FDPS: variants seen among roughly 807,000 people sequenced by gnomAD.
The protein encoded by FDPS is farnesyl pyrophosphate synthase.
A neutral mutation model predicts 49.5 loss-of-function variants in FDPS; 29 were observed. The ratio of observed to expected loss-of-function variants is 0.59; its 90% CI spans 0.44 to 0.80. FDPS has a LOEUF of 0.80. Ranked by LOEUF, FDPS falls within the 30% of genes least tolerant of loss-of-function variation. The pLI, the probability that FDPS is intolerant of heterozygous loss-of-function variation, is 0.00. For missense variants in FDPS, 414 were observed against 525.6 expected, an observed-to-expected ratio of 0.79 and a Z score of 2.08; for synonymous variants, 172 against 206.4, an observed-to-expected ratio of 0.83 and a Z score of 1.43.
chr1:155,313,131 A>T (rs985969880), intron 4 of FDPS, among the ~76,000 whole-genome samples: 2 of 152,214 alleles, frequency 1.3e-5, no homozygotes, highest in Non-Finnish European at 2.9e-5. Context: ...TAAAACCTAG[A>T]TTTCTAGCAT....
chr1:155,319,047 G>A (rs1260261649), intron 8 of FDPS, 119 bp downstream of exon 8: 2 of 753,110 alleles, frequency 2.7e-6, no homozygotes, highest in East Asian at 2.5e-5. Context: ...CCTTGAGCAA[G>A]TCGGTCTCGC....
At position 155,309,884 on chromosome 1, in the gene FDPS, G is replaced by C. The variant is rs376090181; in HGVS notation, c.95G>C (p.Arg32Pro). 1 of 1,591,370 alleles carries C rather than the reference G, an allele frequency of 6.3e-7. No homozygotes were observed. The highest frequency in any genetic ancestry group is 1.8e-5 in the Admixed American group (1 of 56,680). The change falls in exon 2 of 11, where the codon CGG (arginine) becomes CCG (proline). Residue 32 changes from arginine to proline, a missense_variant. By Grantham distance (103) the Arg-to-Pro change is moderately radical. Coordinates refer to ENST00000368356, the MANE Select transcript of FDPS (RefSeq NM_002004.4). ...PRERWLGSLR[R>P]PSLVHGYPVL... ...GAGAGGTGGCTGGGTTCCCTACGGC[G>C]GCCCTCCCTGGTGCACGGGTACCCA...
In FDPS at chr1:155,318,161, C is replaced by T; in HGVS notation, c.562-8C>T. On this transcript the variant is annotated splice_region_variant and splice_polypyrimidine_tract_variant and intron_variant, in intron 5 of 10. Coordinates refer to ENST00000368356, the MANE Select transcript of FDPS (RefSeq NM_002004.4). The surrounding 1 kb of genome is among the most constrained non-coding windows in gnomAD (Gnocchi z 4.2). ...ATTGATTGCTTGTTTTTCTGTCTGTCATGACAGCCGGGCGTGGGTTTGGAT... is the reference window on the plus strand; with the variant it reads ...ATTGATTGCTTGTTTTTCTGTCTGTTATGACAGCCGGGCGTGGGTTTGGAT... 1 of 1,614,062 alleles carries T rather than the reference C, an allele frequency of 6.2e-7. No homozygotes were observed. Among genetic ancestry groups the T allele is most frequent in the East Asian group, 2.2e-5 (1 of 44,878 alleles).
intron 4 of FDPS, among the ~76,000 whole-genome samples, chr1:155,314,795 T>A (rs11264360): frequency 0.26 from 39,447 of 150,652 alleles, 5,707 homozygotes; most frequent in East Asian, 0.71. Context: ...TTTTTTTTTT[T>A]AATTTCCCTA....
Position 155,319,595 on chromosome 1 carries a change from C to T in FDPS, c.847-16C>T, listed in dbSNP as rs1650013821. The stretch of plus-strand genomic sequence containing the variant: ...CACCCCTGGGGTTTGGCTTATTAAC[C>T]CCCCTTTCCCTGCAGGCAGGAATTG... On this transcript the variant is annotated splice_polypyrimidine_tract_variant and intron_variant, in intron 8 of 10. Transcript: ENST00000368356. 1 of 1,613,522 alleles carries T rather than the reference C, an allele frequency of 6.2e-7. No homozygotes were observed. The highest frequency in any genetic ancestry group is 8.5e-7 in the Non-Finnish European group (1 of 1,179,900).
Position 155,318,383 on chromosome 1 carries a change from G to C in FDPS, c.684+92G>C. On this transcript the variant is annotated intron_variant, in intron 6 of 10. Coordinates refer to ENST00000368356, the MANE Select transcript of FDPS (RefSeq NM_002004.4). The surrounding 1 kb of genome is among the most constrained non-coding windows in gnomAD (Gnocchi z 4.2). ...CTCATCTAGCTGGTTTCAGGGTACA[G>C]GATTGCAGCGTGCCTGGAAGGGAAA... 1 of 1,514,832 alleles carries C rather than the reference G, an allele frequency of 6.6e-7. No homozygotes were observed. The highest frequency in any genetic ancestry group is 9.0e-7 in the Non-Finnish European group (1 of 1,109,502). The allele number at this position is 1,514,832 out of a possible 1,614,324, so 93.8% of individuals were successfully genotyped here. A position where few individuals can be genotyped will look rare whatever the true frequency, so the allele number is the denominator to read the frequency against.
chr1:155,314,186 T>A (rs2148237576), intron 4 of FDPS, among the ~76,000 whole-genome samples: 1 of 140,728 alleles, frequency 7.1e-6, no homozygotes, highest in Non-Finnish European at 1.5e-5. Flanking sequence ...TAAAAATTTT[T>A]AATTTTTTTT....
At position 155,318,166 on chromosome 1, in the gene FDPS, C is replaced by T. The variant is rs1446445185; in HGVS notation, c.562-3C>T. ...TTGCTTGTTTTTCTGTCTGTCATGA[C>T]AGCCGGGCGTGGGTTTGGATGCCAT... On this transcript the variant is annotated splice_region_variant and splice_polypyrimidine_tract_variant and intron_variant, in intron 5 of 10. Coordinates refer to ENST00000368356, the MANE Select transcript of FDPS (RefSeq NM_002004.4). The surrounding 1 kb of genome is among the most constrained non-coding windows in gnomAD (Gnocchi z 4.2). The T allele has an allele frequency of 1.9e-6, 3 of 1,614,112 alleles. No homozygotes were observed. The highest frequency in any genetic ancestry group is 2.5e-6 in the Non-Finnish European group (3 of 1,180,022).
chr1:155,309,596 A>G, intron 1 of FDPS, 193 bp from the exon 2 acceptor site: 3 of 514,404 alleles, frequency 5.8e-6, no homozygotes, highest in South Asian at 3.6e-5. Context: ...GTTGGGTCTC[A>G]GTCACCCAGC....
Position 155,320,546 on chromosome 1 carries a change from A to C in FDPS, c.1197A>C (p.Ala399=), listed in dbSNP as rs919118652. The change falls in exon 11 of 11, where the codon GCA becomes GCC. Residue 399 remains alanine, a synonymous_variant. Transcript: ENST00000368356. ...SHIMALIEQY[A]APLPPAVFLG... ...TTATGGCTCTCATTGAACAGTACGC[A>C]GCACCCCTGCCCCCAGCCGTCTTTC... 1.2e-6 allele frequency: 2 copies of C among 1,614,088 alleles called. No individual in the cohort carries two copies. Among genetic ancestry groups the C allele is most frequent in the Non-Finnish European group, 1.7e-6 (2 of 1,180,046 alleles).
chr1:155,313,019 A>G (rs1355091990), intron 4 of FDPS: 1 of 152,172 alleles, frequency 6.6e-6, no homozygotes, highest in Admixed American at 6.5e-5. Flanking sequence ...AGGTCTTCCA[A>G]AGGCTATTCA....
rs1648617699 is a variant in FDPS at position 155,309,968 on chromosome 1, G to C, written c.176+3G>C. Reference sequence around the variant, plus strand: ...CAAGCGTGGACAGAGGAACCTCGGTGAGTGTGGTTGGGGTGAGGGGCCTTG... The same window carrying C: ...CAAGCGTGGACAGAGGAACCTCGGTCAGTGTGGTTGGGGTGAGGGGCCTTG... On this transcript the variant is annotated splice_donor_region_variant and intron_variant, in intron 2 of 10. Transcript: ENST00000368356. 1 of 1,608,174 alleles carries C rather than the reference G, an allele frequency of 6.2e-7. No individual in the cohort carries two copies. The highest frequency in any genetic ancestry group is 1.1e-5 in the South Asian group (1 of 90,902).
At chr1:155,320,279 G>A in intron 10 of FDPS, 130 bp from the exon 11 acceptor site, 1 of 794,502 alleles carries the variant, frequency 1.3e-6, no homozygotes, top group Non-Finnish European at 2.1e-6. Context: ...AGAGACACTT[G>A]AAAATTGGAG....
intron 4 of FDPS, chr1:155,312,722 T>G (rs1365565462): frequency 4.5e-6 from 1 of 222,350 alleles, no homozygotes; most frequent in East Asian, 9.8e-5. Context: ...GGCTGACACC[T>G]GCAATCCCAG....
At chr1:155,310,954 CTATT>C (rs1216300176) in intron 3 of FDPS, among the ~76,000 whole-genome samples, 1 of 152,110 alleles carries the variant, frequency 6.6e-6, no homozygotes, top group East Asian at 1.9e-4. Flanking sequence ...TCTGGAGTAT[CTATT>C]AAAATTCTTT....
intron 3 of FDPS, among the ~76,000 whole-genome samples, chr1:155,311,191 T>C (rs1648764763): frequency 6.6e-6 from 1 of 151,982 alleles, no homozygotes; most frequent in Admixed American, 6.6e-5. Flanking sequence ...ATACAAAAAT[T>C]AGCTGGGCGT....
chr1:155,312,503 T>G, intron 4 of FDPS, 108 bp downstream of exon 4: 1 of 1,309,028 alleles, frequency 7.6e-7, no homozygotes, highest in Non-Finnish European at 1.1e-6. Flanking sequence ...TTTGTGTTTC[T>G]TTGTCTCTAG....
intron 4 of FDPS, 101 bp from the exon 5 acceptor site, chr1:155,317,839 CA>C (rs759963795): frequency 1.1e-4 from 108 of 971,338 alleles, no homozygotes; most frequent in Non-Finnish European, 1.2e-4. Context: ...TGTCCCCTAC[CA>C]AAAAAAAGCA....
Position 155,320,606 on chromosome 1 carries a change from G to A in FDPS, c.1257G>A (p.Lys419=), listed in dbSNP as rs1228510004. ...GLARKIYKRR[K] ...CGCGCAAAATCTACAAGCGGAGAAA[G>A]TGACCTAGAGATTGCAAGGGCGGGG... Residue 419 remains lysine (K), a synonymous_variant, in exon 11 of 11, where the codon AAG becomes AAA. Transcript: ENST00000368356. 6.2e-7 allele frequency: 1 copy of A among 1,614,174 alleles called. No individual in the cohort carries two copies. The highest frequency in any genetic ancestry group is 1.7e-5 in the Admixed American group (1 of 60,028).
Sources: gnomAD v4.1 joint callset for allele counts (sites outside exome capture counted in the v4.1 genomes callset) on GRCh38, gnomAD v4.1.1 for gene constraint, Gnocchi (gnomAD v3.1) non-coding constraint, MANE v1.5 for transcripts, NCBI Gene and HGNC (gene_info 2026-07-23, HGNC 2026-07-21) for gene names.